DNAH3: variants seen among roughly 807,000 people sequenced by gnomAD.
DNAH3 encodes the protein dynein axonemal heavy chain 3.
A neutral mutation model predicts 432.5 loss-of-function variants in DNAH3; 332 were observed. That is an observed-to-expected ratio of 0.77 (90% CI 0.70 to 0.84). The LOEUF is 0.84. Among genes scored for constraint, DNAH3 ranks in the 40% least tolerant of loss-of-function variants. DNAH3 has a pLI of 0.00. For synonymous variants in DNAH3, 1,956 were observed against 1,900.2 expected (o/e 1.03, Z -0.76); for missense variants, 4,861 against 5,114.0 (o/e 0.95, Z 1.51).
intron 16 of DNAH3, among the ~76,000 whole-genome samples, chr16:21,100,655 A>G (rs901802970): frequency 6.6e-6 from 1 of 152,204 alleles, no homozygotes; most frequent in Non-Finnish European, 1.5e-5. Context: ...AGCAGCTCAC[A>G]TCCCTGAGTC....
At chr16:21,084,917 A>G (rs1007146130) in intron 19 of DNAH3, among the ~76,000 whole-genome samples, 1 of 152,110 alleles carries the variant, frequency 6.6e-6, no homozygotes, top group Non-Finnish European at 1.5e-5. Context: ...TCATAGAGAA[A>G]CCTGGCACTA....
intron 53 of DNAH3, among the ~76,000 whole-genome samples, chr16:20,960,721 A>G (rs142453651): frequency 1.3e-5 from 2 of 152,302 alleles, no homozygotes; most frequent in African/African-American, 4.8e-5. Flanking sequence ...ACAAACAAAC[A>G]AACAAAAGGC....
At chr16:21,024,121 G>A (rs946759550) in intron 39 of DNAH3, among the ~76,000 whole-genome samples, 1 of 152,120 alleles carries the variant, frequency 6.6e-6, no homozygotes, top group Admixed American at 6.6e-5. Flanking sequence ...GGGAGTGGTC[G>A]CTCACAGTAG....
chr16:21,022,431 TTC>T (rs1050589540), intron 39 of DNAH3, among the ~76,000 whole-genome samples: 1 of 152,204 alleles, frequency 6.6e-6, no homozygotes, highest in Admixed American at 6.5e-5. Flanking sequence ...CTGTCTTTGT[TTC>T]TATAAAAAGT....
chr16:20,990,433 G>T (rs1019679374), intron 44 of DNAH3, among the ~76,000 whole-genome samples: 1 of 152,034 alleles, frequency 6.6e-6, no homozygotes, highest in African/African-American at 2.4e-5. Context: ...CCCATTTAAA[G>T]TACAATTATT....
chr16:20,966,191 C>T (rs1218358324), intron 52 of DNAH3, among the ~76,000 whole-genome samples: 2 of 151,180 alleles, frequency 1.3e-5, no homozygotes, highest in African/African-American at 2.4e-5. Flanking sequence ...GCACCCACCA[C>T]CACACCCGGC....
intron 21 of DNAH3, among the ~76,000 whole-genome samples, chr16:21,074,638 T>A (rs537229054): frequency 6.6e-6 from 1 of 152,142 alleles, no homozygotes; most frequent in South Asian, 2.1e-4. Flanking sequence ...CGCTTGAGCC[T>A]GGGAGGCAGA....
rs541051325 is a variant in DNAH3 at position 21,029,590 on chromosome 16, G to A, written c.5439+1455C>T. Among the ~76,000 whole-genome samples the A allele has an allele frequency of 3.3e-5, 5 of 152,286 alleles. No individual in the cohort carries two copies. The East Asian group carries it at 9.6e-4, about 29-fold the overall frequency. On this transcript the variant is annotated intron_variant, in intron 37 of 61. Transcript: ENST00000261383. The stretch of plus-strand genomic sequence containing the variant: ...AGGTTACATAGCTGGAAAGTGGCAA[G>A]GCCAGGATTTGAACCCAGGCTCTCT...
At chr16:20,979,540 C>T in exon 50 of DNAH3, 1 of 1,614,048 alleles carries the variant, frequency 6.2e-7, no homozygotes, top group Non-Finnish European at 8.5e-7. Context: ...TGCACATGGA[C>T]ACGACCCTGC....
intron 31 of DNAH3, among the ~76,000 whole-genome samples, chr16:21,047,034 C>A (rs1306985479): frequency 6.6e-6 from 1 of 152,164 alleles, no homozygotes; most frequent in Non-Finnish European, 1.5e-5. Flanking sequence ...AGGGTTTCTG[C>A]AGAGAGATCC....
intron 41 of DNAH3, among the ~76,000 whole-genome samples, chr16:21,016,712 T>C (rs900894939): frequency 3.3e-5 from 5 of 152,214 alleles, no homozygotes; most frequent in African/African-American, 4.8e-5. Context: ...ACACCCATGT[T>C]CATAGCAGCT....
At chr16:20,969,909 C>T (rs774722876) in exon 52 of DNAH3, 36 of 1,613,992 alleles carry the variant, frequency 2.2e-5, no homozygotes, top group Admixed American at 3.3e-5. Flanking sequence ...AGCGAGATGT[C>T]GGCCGGGTTC....
At chr16:21,023,107 G>A (rs1200217000) in intron 39 of DNAH3, among the ~76,000 whole-genome samples, 2 of 152,050 alleles carry the variant, frequency 1.3e-5, no homozygotes, top group Non-Finnish European at 2.9e-5. Context: ...AAGTAGGAAG[G>A]CCATCACTAA....
intron 49 of DNAH3, 47 bp downstream of exon 49, chr16:20,982,674 C>G: frequency 6.6e-7 from 1 of 1,526,470 alleles, no homozygotes; most frequent in Non-Finnish European, 8.9e-7. Context: ...AGCGTCTGGA[C>G]TTCAAATTTG....
At chr16:21,057,596 T>G (rs858198) in intron 27 of DNAH3, among the ~76,000 whole-genome samples, 1 of 152,050 alleles carries the variant, frequency 6.6e-6, no homozygotes, top group Non-Finnish European at 1.5e-5. Context: ...ATTGGCATCA[T>G]TTGGCTGGGA....
chr16:20,979,951 T>G (rs996153906), intron 49 of DNAH3, among the ~76,000 whole-genome samples: 1 of 151,860 alleles, frequency 6.6e-6, no homozygotes, highest in Admixed American at 6.6e-5. Context: ...AGTTTCACCA[T>G]GTTGGTCAGG....
intron 1 of DNAH3, among the ~76,000 whole-genome samples, chr16:21,151,223 C>T (rs2092849491): frequency 6.6e-6 from 1 of 152,072 alleles, no homozygotes; most frequent in Admixed American, 6.6e-5. Context: ...ATGTGAGTCC[C>T]TACTTCATAG....
chr16:21,027,178 T>A, intron 37 of DNAH3, 51 bp from the exon 38 acceptor site: 2 of 1,361,494 alleles, frequency 1.5e-6, no homozygotes, highest in Non-Finnish European at 1.1e-6. Context: ...TTAAATTCCA[T>A]CTGCAAGTAA....
At chr16:21,150,342 AT>A in intron 1 of DNAH3, 1 of 453,560 alleles carries the variant, frequency 2.2e-6, no homozygotes, top group African/African-American at 2.0e-5. Flanking sequence ...AATTGTAGCT[AT>A]TTTTTTAAAA....
Sources: allele counts gnomAD v4.1 joint callset (sites outside exome capture counted in the v4.1 genomes callset), GRCh38; gene constraint gnomAD v4.1.1; transcripts MANE v1.5; gene names NCBI Gene and HGNC (gene_info 2026-07-23, HGNC 2026-07-21).